Variants in MEF2A observed in about 807,000 individuals in gnomAD.
MEF2A encodes the protein myocyte enhancer factor 2A, also known as myocyte-specific enhancer factor 2A.
In MEF2A, 28 loss-of-function variants were observed where a neutral mutation model predicts 55.8. The ratio of observed to expected loss-of-function variants is 0.50; its 90% CI spans 0.37 to 0.69. The LOEUF (loss-of-function observed/expected upper bound fraction) is 0.69, where lower values mean the gene tolerates loss of function less well. MEF2A is among the 30% of genes least tolerant of loss of function. The probability of loss-of-function intolerance (pLI) is 0.00; values close to 1 mark genes in which losing one functional copy is unlikely to be tolerated. For missense variants in MEF2A, 528 were observed against 626.2 expected (o/e 0.84, Z 1.67); for synonymous variants, 239 against 227.1 (o/e 1.05, Z -0.47).
At chr15:99,596,859 G>C (rs374165359) in intron 1 of MEF2A, among the ~76,000 whole-genome samples, 1 of 152,180 alleles carries the variant, frequency 6.6e-6, no homozygotes, top group East Asian at 1.9e-4. Flanking sequence ...GACCCCAAAC[G>C]GAGGGACTGG....
chr15:99,565,962 T>G (rs1959176580), upstream of MEF2A: 1 of 152,172 alleles, frequency 6.6e-6, no homozygotes, highest in African/African-American at 2.4e-5. Context: ...GCTTGTCTCC[T>G]AAAAATAGCC....
chr15:99,592,111 C>G (rs912406535), intron 1 of MEF2A, among the ~76,000 whole-genome samples: 1 of 152,048 alleles, frequency 6.6e-6, no homozygotes, highest in African/African-American at 2.4e-5. Context: ...AAATTTCTTG[C>G]AGACGTGTAT....
chr15:99,696,096 A>G (rs558670999), intron 8 of MEF2A, among the ~76,000 whole-genome samples: 1 of 152,326 alleles, frequency 6.6e-6, no homozygotes, highest in South Asian at 2.1e-4. Context: ...CCTAACAGCA[A>G]CCTTCAAAAT....
intron 2 of MEF2A, among the ~76,000 whole-genome samples, chr15:99,618,211 T>A (rs1456613203): frequency 4.6e-5 from 7 of 152,196 alleles, no homozygotes; most frequent in African/African-American, 1.7e-4. Flanking sequence ...AGAGCTATGT[T>A]ACCCTAAGAA....
intron 2 of MEF2A, among the ~76,000 whole-genome samples, chr15:99,605,671 A>C (rs990171971): frequency 7.2e-6 from 1 of 139,696 alleles, no homozygotes; most frequent in Non-Finnish European, 1.6e-5. Flanking sequence ...TTTTAGATTT[A>C]AAAAAAAAAA....
At chr15:99,671,792 A>G (rs1010669567) in intron 5 of MEF2A, 2 of 1,006,704 alleles carry the variant, frequency 2.0e-6, no homozygotes, top group African/African-American at 3.3e-5. Context: ...AGTATTTTTT[A>G]TAAAACTTCA....
chr15:99,674,008 A>G (rs919161370), intron 5 of MEF2A, among the ~76,000 whole-genome samples: 3 of 152,148 alleles, frequency 2.0e-5, no homozygotes, highest in Non-Finnish European at 4.4e-5. Context: ...CTCAGTAGAA[A>G]TGTAATGTTA....
intron 4 of MEF2A, among the ~76,000 whole-genome samples, chr15:99,662,678 A>T (rs1194804556): frequency 6.6e-6 from 1 of 152,130 alleles, no homozygotes; most frequent in Non-Finnish European, 1.5e-5. Flanking sequence ...GGGTTTCACC[A>T]TGTTGGCCAG....
chr15:99,686,227 A>G (rs2054183642), intron 7 of MEF2A, among the ~76,000 whole-genome samples: 1 of 152,162 alleles, frequency 6.6e-6, no homozygotes, highest in Non-Finnish European at 1.5e-5. Context: ...TTTATATTCA[A>G]CGTTAATATT....
intron 3 of MEF2A, among the ~76,000 whole-genome samples, chr15:99,642,008 A>G (rs1286401672): frequency 6.6e-6 from 1 of 152,074 alleles, no homozygotes; most frequent in Admixed American, 6.5e-5. Context: ...TCAGCAAGTA[A>G]TGCTTGTTGG....
In MEF2A at chr15:99,712,289, G is replaced by C; in HGVS notation, c.1137-101G>C. On this transcript the variant is annotated intron_variant, in intron 11 of 11. Coordinates refer to ENST00000557942, the MANE Select transcript of MEF2A (RefSeq NM_001319206.4). The surrounding 1 kb of genome is among the most constrained non-coding windows in gnomAD (Gnocchi z 4.1). ...CTTGGGGAACTCTGATAAGATTTCA[G>C]ACTCTGGGCCCTTTTCCATCAGGCA... is the stretch of plus-strand genomic sequence containing the variant. The C allele has an allele frequency of 3.5e-6, 5 of 1,435,744 alleles. No homozygotes were observed. The highest frequency in any genetic ancestry group is 4.6e-6 in the Non-Finnish European group (5 of 1,097,072). 88.9% of individuals were successfully genotyped at this position (1,435,744 alleles called of 1,614,324 possible). A position where few individuals can be genotyped will look rare whatever the true frequency, so the allele number is the denominator to read the frequency against.
chr15:99,591,786 CT>C (rs1567177108), intron 1 of MEF2A, among the ~76,000 whole-genome samples: 1 of 152,004 alleles, frequency 6.6e-6, no homozygotes, highest in Admixed American at 6.6e-5. Flanking sequence ...CATCCAGTTA[CT>C]TTTTTGAGAT....
intron 8 of MEF2A, among the ~76,000 whole-genome samples, chr15:99,692,471 TC>T (rs747295935): frequency 2.0e-5 from 3 of 152,162 alleles, no homozygotes; most frequent in Non-Finnish European, 4.4e-5. Context: ...GCCCAGATAC[TC>T]CAGAGTCAAA....
At chr15:99,651,546 C>T (rs1326594935) in intron 4 of MEF2A, among the ~76,000 whole-genome samples, 4 of 152,088 alleles carry the variant, frequency 2.6e-5, no homozygotes, top group Non-Finnish European at 5.9e-5. Context: ...ACCTCCAGTC[C>T]CCTGCCCTGC....
chr15:99,684,719 T>C (rs1403419755), intron 7 of MEF2A, among the ~76,000 whole-genome samples: 3 of 152,246 alleles, frequency 2.0e-5, no homozygotes, highest in Non-Finnish European at 4.4e-5. Context: ...CATCTATTTA[T>C]TTTTGTCTTT....
intron 2 of MEF2A, among the ~76,000 whole-genome samples, chr15:99,598,965 A>G (rs1020448407): frequency 3.2e-4 from 48 of 152,142 alleles, no homozygotes; most frequent in Admixed American, 2.8e-3. Context: ...TCAAATAGAA[A>G]AAGCAAATTT....
chr15:99,667,256 C>G (rs1344811927), intron 4 of MEF2A, among the ~76,000 whole-genome samples: 1 of 152,136 alleles, frequency 6.6e-6, no homozygotes, highest in African/African-American at 2.4e-5. Context: ...GAGTCTTGCT[C>G]TGTCGCCCAG....
At chr15:99,710,584 T>G (rs765772606) in intron 10 of MEF2A, 50 bp from the exon 11 acceptor site, 28 of 1,575,806 alleles carry the variant, frequency 1.8e-5, no homozygotes, top group Non-Finnish European at 2.3e-5. Flanking sequence ...AAAAATAGAT[T>G]CCGTATGGAC....
chr15:99,640,523 C>G (rs1190736362), intron 3 of MEF2A, among the ~76,000 whole-genome samples: 1 of 150,500 alleles, frequency 6.6e-6, no homozygotes, highest in Non-Finnish European at 1.5e-5. Flanking sequence ...CTCCCTCCTT[C>G]ACTCCCTTTC....
Sources: gnomAD v4.1 joint callset for allele counts (sites outside exome capture counted in the v4.1 genomes callset) on GRCh38, gnomAD v4.1.1 for gene constraint, Gnocchi (gnomAD v3.1) non-coding constraint, MANE v1.5 for transcripts, NCBI Gene and HGNC (gene_info 2026-07-23, HGNC 2026-07-21) for gene names.